Variants in PSMB3 observed in about 807,000 individuals in gnomAD.
The protein encoded by PSMB3 is proteasome subunit beta type-3.
PSMB3 carries 5 observed loss-of-function variants against 23.3 expected under a neutral mutation model. That is an observed-to-expected ratio of 0.21 (90% CI 0.11 to 0.45). The LOEUF (loss-of-function observed/expected upper bound fraction) is 0.45, where lower values mean the gene tolerates loss of function less well. PSMB3 is among the 20% of genes least tolerant of loss of function. The pLI is 0.99. For synonymous variants in PSMB3, 85 were observed against 99.8 expected (o/e 0.85, Z 0.88); for missense variants, 192 against 277.9 (o/e 0.69, Z 2.20).
intron 2 of PSMB3, 149 bp downstream of exon 2, chr17:38,753,483 C>CTTT: frequency 1.9e-5 from 12 of 636,938 alleles, no homozygotes; most frequent in Non-Finnish European, 2.3e-5. Flanking sequence ...CCTTCCCTTT[C>CTTT]TTTTTTTTTT....
chr17:38,764,169 C>T lies in PSMB3; in HGVS notation c.*2C>T, dbSNP rs1166834104. The T allele has an allele frequency of 1.9e-6, 3 of 1,614,102 alleles. No homozygotes were observed. The highest frequency in any genetic ancestry group is 2.5e-6 in the Non-Finnish European group (3 of 1,179,982). On this transcript the variant is annotated 3_prime_UTR_variant, in exon 6 of 6. Transcript: ENST00000619426. ...ACACTGAAGGCCCGAATGGACTAAC[C>T]CTGTTCCCAGAGCCCACTTTTTTTT...
At chr17:38,763,408 G>T (rs1298708170) in intron 5 of PSMB3, among the ~76,000 whole-genome samples, 1 of 149,898 alleles carries the variant, frequency 6.7e-6, no homozygotes, top group East Asian at 2.0e-4. Flanking sequence ...ACCACCGACG[G>T]TTTTTTTTTA....
At chr17:38,757,517 C>T (rs1479809905) in intron 3 of PSMB3, among the ~76,000 whole-genome samples, 1 of 147,742 alleles carries the variant, frequency 6.8e-6, no homozygotes, top group Non-Finnish European at 1.5e-5. Context: ...GACTTAGTCT[C>T]AAAAGAAATA....
Position 38,753,276 on chromosome 17 carries a change from C to T in PSMB3, c.130C>T (p.Pro44Ser), listed in dbSNP as rs745757696. 1.9e-6 allele frequency: 3 copies of T among 1,614,192 alleles called. No homozygotes were observed. Among genetic ancestry groups the T allele is most frequent in the East Asian group, 2.2e-5 (1 of 44,888 alleles). ...GACCACGGACTTCCAGAAGATCTTT[C>T]CCATGGGTGACCGGCTGTACATCGG... ...MVTTDFQKIF[P>S]MGDRLYIGLA... The change falls in exon 2 of 6, where the codon CCC (proline) becomes TCC (serine). Residue 44 changes from proline to serine, a missense_variant. Pro to Ser is a moderately conservative substitution (Grantham distance 74). Transcript: ENST00000619426.
chr17:38,762,534 G>A, intron 5 of PSMB3, 29 bp downstream of exon 5: 1 of 1,585,272 alleles, frequency 6.3e-7, no homozygotes, highest in Non-Finnish European at 8.7e-7. Flanking sequence ...AAGTCTAGAA[G>A]CTCTGCAGAC....
chr17:38,754,188 G>T (rs951184365), intron 2 of PSMB3, among the ~76,000 whole-genome samples: 1 of 152,146 alleles, frequency 6.6e-6, no homozygotes, highest in Non-Finnish European at 1.5e-5. Flanking sequence ...TTCTCATTTC[G>T]GCTGGGCGCG....
At chr17:38,753,432 C>T in intron 2 of PSMB3, 98 bp downstream of exon 2, 1 of 1,270,298 alleles carries the variant, frequency 7.9e-7, no homozygotes, top group Non-Finnish European at 1.1e-6. Flanking sequence ...TACCACACAC[C>T]ACCAGTGAGT....
intron 5 of PSMB3, among the ~76,000 whole-genome samples, chr17:38,763,212 G>C (rs1191234671): frequency 1.3e-5 from 2 of 152,038 alleles, no homozygotes; most frequent in African/African-American, 4.8e-5. Context: ...AAATTAGCCA[G>C]ACGTGGTGTC....
intron 2 of PSMB3, 84 bp downstream of exon 2, chr17:38,753,418 C>A: frequency 7.3e-7 from 1 of 1,371,432 alleles, no homozygotes; most frequent in South Asian, 1.3e-5. Flanking sequence ...AGGTGTCAGT[C>A]ATCTACCACA....
intron 2 of PSMB3, 40 bp downstream of exon 2, chr17:38,753,374 T>C: frequency 2.5e-6 from 4 of 1,589,416 alleles, no homozygotes; most frequent in Non-Finnish European, 3.4e-6. Context: ...AGGCCTCTTC[T>C]TGGACCATCC....
chr17:38,761,547 C>T (rs753352968), intron 4 of PSMB3, among the ~76,000 whole-genome samples: 4 of 152,012 alleles, frequency 2.6e-5, no homozygotes. Context: ...TCCAGTGAAG[C>T]AAGACACATC....
At chr17:38,756,454 A>G (rs1908199456) in intron 3 of PSMB3, among the ~76,000 whole-genome samples, 1 of 151,970 alleles carries the variant, frequency 6.6e-6, no homozygotes, top group African/African-American at 2.4e-5. Flanking sequence ...GGTGCTTTCT[A>G]CCTCTGGGCA....
intron 5 of PSMB3, 119 bp from the exon 6 acceptor site, chr17:38,763,997 AGCT>A (rs1908568520): frequency 1.9e-6 from 2 of 1,029,576 alleles, no homozygotes; most frequent in Non-Finnish European, 1.5e-6. Context: ...GGCAGCGGGC[AGCT>A]ATTTGTTCTG....
chr17:38,755,678 A>ATG (rs1207952481), intron 2 of PSMB3, among the ~76,000 whole-genome samples: 2 of 107,092 alleles, frequency 1.9e-5, no homozygotes, highest in Admixed American at 1.1e-4. Context: ...ATATATATAT[A>ATG]TATATGTGTG....
intron 4 of PSMB3, among the ~76,000 whole-genome samples, chr17:38,760,989 GCCAGTTT>G (rs1418459970): frequency 6.6e-6 from 1 of 152,164 alleles, no homozygotes; most frequent in Non-Finnish European, 1.5e-5. Context: ...TCTTGGAGAA[GCCAGTTT>G]CCCTCTCTGC....
intron 2 of PSMB3, chr17:38,755,160 G>A (rs537189637): frequency 1.3e-5 from 2 of 152,232 alleles, no homozygotes; most frequent in South Asian, 4.1e-4. Context: ...GTTATTGTAA[G>A]AGGCAAGGTT....
chr17:38,760,284 T>C (rs980732845), intron 3 of PSMB3, 147 bp from the exon 4 acceptor site: 19 of 740,778 alleles, frequency 2.6e-5, no homozygotes, highest in Non-Finnish European at 3.9e-5. Flanking sequence ...GAGAGGGAGC[T>C]GGCCTCAGGG....
intron 5 of PSMB3, among the ~76,000 whole-genome samples, chr17:38,762,761 G>A (rs114406296): frequency 0.016 from 2,451 of 152,220 alleles, 62 homozygotes; most frequent in African/African-American, 0.055. Flanking sequence ...CCTTAACAAT[G>A]TCTCCGAAGT....
intron 2 of PSMB3, 69 bp from the exon 3 acceptor site, chr17:38,755,814 G>C: frequency 1.5e-6 from 2 of 1,348,048 alleles, no homozygotes; most frequent in East Asian, 2.3e-5. Context: ...ATGTTTCCCT[G>C]ACCTCAACAG....
Sources: gnomAD v4.1 joint callset for allele counts (sites outside exome capture counted in the v4.1 genomes callset) on GRCh38, gnomAD v4.1.1 for gene constraint, MANE v1.5 for transcripts, NCBI Gene and HGNC (gene_info 2026-07-23, HGNC 2026-07-21) for gene names.